NMT1: variants seen among roughly 807,000 people sequenced by gnomAD.
NMT1 encodes the protein N-myristoyltransferase 1, also known as glycylpeptide N-tetradecanoyltransferase 1.
In NMT1, 12 loss-of-function variants were observed where a neutral mutation model predicts 63.4. The observed-to-expected ratio is 0.19, with a 90% CI of 0.12 to 0.31. The LOEUF (loss-of-function observed/expected upper bound fraction) is 0.31, where lower values mean the gene tolerates loss of function less well. Ranked by LOEUF, NMT1 falls within the 10% of genes least tolerant of loss-of-function variation. NMT1 has a pLI of 1.00. For missense variants in NMT1, 432 were observed against 634.6 expected (o/e 0.68, Z 3.43); for synonymous variants, 228 against 234.3 (o/e 0.97, Z 0.25).
At chr17:45,099,612 C>G in intron 8 of NMT1, 99 bp downstream of exon 8, 1 of 835,160 alleles carries the variant, frequency 1.2e-6, no homozygotes. Flanking sequence ...AGGGAGCTTT[C>G]TCCTACTGGA....
intron 2 of NMT1, among the ~76,000 whole-genome samples, chr17:45,086,010 C>G (rs1388477953): frequency 6.6e-6 from 1 of 151,726 alleles, no homozygotes; most frequent in African/African-American, 2.4e-5. Context: ...TTAGTAGAGA[C>G]AGGGTTTCAC....
intron 6 of NMT1, among the ~76,000 whole-genome samples, chr17:45,097,913 T>C (rs1265960087): frequency 1.3e-5 from 2 of 152,194 alleles, no homozygotes; most frequent in Non-Finnish European, 2.9e-5. Context: ...CAGATAGTCC[T>C]TGGGGCCTGT....
chr17:45,068,080 G>T (rs144191455), intron 1 of NMT1, among the ~76,000 whole-genome samples: 1 of 152,166 alleles, frequency 6.6e-6, no homozygotes, highest in Non-Finnish European at 1.5e-5. Flanking sequence ...TACCCTTCAG[G>T]CCTCTCTTCC....
intron 1 of NMT1, among the ~76,000 whole-genome samples, chr17:45,069,500 C>G (rs777129856): frequency 4.1e-4 from 62 of 151,740 alleles, no homozygotes; most frequent in Non-Finnish European, 3.2e-4. Context: ...CCATCTTGGC[C>G]AGGCTGGTCT....
At chr17:45,087,944 G>A (rs1213029435) in intron 3 of NMT1, among the ~76,000 whole-genome samples, 2 of 152,236 alleles carry the variant, frequency 1.3e-5, no homozygotes, top group African/African-American at 2.4e-5. Flanking sequence ...TAGTAGAAAT[G>A]CAGTTTGTCG....
intron 2 of NMT1, 71 bp downstream of exon 2, chr17:45,081,823 A>G: frequency 8.4e-7 from 1 of 1,190,956 alleles, no homozygotes; most frequent in Non-Finnish European, 1.2e-6. Context: ...GTGAATGTAT[A>G]GGATCAACTT....
At chr17:45,076,591 A>G (rs1477262485) in intron 1 of NMT1, among the ~76,000 whole-genome samples, 2 of 151,996 alleles carry the variant, frequency 1.3e-5, no homozygotes, top group African/African-American at 4.8e-5. Flanking sequence ...CTCTACTAAA[A>G]ATACAAAAAT....
chr17:45,097,066 G>A (rs545246717), intron 5 of NMT1, 62 bp from the exon 6 acceptor site: 1 of 1,411,034 alleles, frequency 7.1e-7, no homozygotes, highest in Non-Finnish European at 1.0e-6. Flanking sequence ...TGGCTGTGGA[G>A]CCCAAGCGGC....
At chr17:45,076,168 C>T (rs2053975879) in intron 1 of NMT1, among the ~76,000 whole-genome samples, 1 of 152,160 alleles carries the variant, frequency 6.6e-6, no homozygotes, top group Non-Finnish European at 1.5e-5. Flanking sequence ...GTTTTGTTTT[C>T]CCTTAGTCCA....
intron 8 of NMT1, among the ~76,000 whole-genome samples, chr17:45,100,290 G>A (rs1165483971): frequency 6.6e-6 from 1 of 152,082 alleles, no homozygotes; most frequent in Non-Finnish European, 1.5e-5. Flanking sequence ...TTTGCTGCCA[G>A]GCGCAGTGGC....
chr17:45,073,942 T>G (rs2053959518), intron 1 of NMT1, among the ~76,000 whole-genome samples: 1 of 152,182 alleles, frequency 6.6e-6, no homozygotes. Context: ...CATGCAGTTT[T>G]GAGCGGATTG....
chr17:45,092,888 C>A (rs1379063699), intron 3 of NMT1, among the ~76,000 whole-genome samples: 1 of 152,132 alleles, frequency 6.6e-6, no homozygotes, highest in Non-Finnish European at 1.5e-5. Context: ...GCATTCTTCC[C>A]AGTGTAAACA....
intron 8 of NMT1, among the ~76,000 whole-genome samples, chr17:45,101,982 A>G (rs2054169513): frequency 6.6e-6 from 1 of 152,228 alleles, no homozygotes; most frequent in Non-Finnish European, 1.5e-5. Flanking sequence ...CTGCAGCAGC[A>G]GAAGAATGTC....
intron 6 of NMT1, among the ~76,000 whole-genome samples, chr17:45,097,637 G>A (rs965831498): frequency 2.0e-5 from 3 of 152,236 alleles, no homozygotes; most frequent in South Asian, 2.1e-4. Flanking sequence ...GAATATAGAC[G>A]TGAGCCATTG....
intron 4 of NMT1, 47 bp downstream of exon 4, chr17:45,093,850 C>T (rs763855815): frequency 1.6e-5 from 23 of 1,456,790 alleles, no homozygotes; most frequent in Non-Finnish European, 2.0e-5. Flanking sequence ...GAGCCACTTT[C>T]ACAGTAAGCC....
At chr17:45,085,845 G>A (rs2054048542) in intron 2 of NMT1, among the ~76,000 whole-genome samples, 1 of 148,384 alleles carries the variant, frequency 6.7e-6, no homozygotes, top group African/African-American at 2.5e-5. Flanking sequence ...TTTTTGAGAT[G>A]GATTCTTGCT....
chr17:45,104,065 C>A lies in NMT1; in HGVS notation c.1332+189C>A. The A allele has an allele frequency of 6.6e-7, 1 of 1,522,284 alleles. No homozygotes were observed. Among genetic ancestry groups the A allele is most frequent in the Non-Finnish European group, 8.8e-7 (1 of 1,139,560 alleles). 94.3% of individuals were successfully genotyped at this position (1,522,284 alleles called of 1,614,324 possible). A position where few individuals can be genotyped will look rare whatever the true frequency, so the allele number is the denominator to read the frequency against. ...AAACTTGGAGGGAACAAGGAGCATC[C>A]GAAGTGAAGGCATTGAACTCCTCCT... On this transcript the variant is annotated intron_variant, in intron 10 of 11. Coordinates refer to ENST00000258960, the MANE Select transcript of NMT1 (RefSeq NM_021079.5). The surrounding 1 kb of genome is among the most constrained non-coding windows in gnomAD (Gnocchi z 4.2).
At chr17:45,086,760 C>T in intron 3 of NMT1, 108 bp downstream of exon 3, 1 of 1,199,868 alleles carries the variant, frequency 8.3e-7, no homozygotes, top group Non-Finnish European at 1.2e-6. Flanking sequence ...CAGTAGAGTC[C>T]TGGAGTTCCT....
rs913514091 is a variant in NMT1 at position 45,102,953 on chromosome 17, T to C, written c.996T>C (p.Thr332=). 6.2e-7 allele frequency: 1 copy of C among 1,610,204 alleles called. No individual in the cohort carries two copies. Among genetic ancestry groups the C allele is most frequent in the Non-Finnish European group, 8.5e-7 (1 of 1,176,950 alleles). ...RTMKLYRLPE[T]PKTAGLRPME... is the part of the protein sequence containing the mutation. ...CATCTCTTCTGTCTTGCCTCCAGAC[T>C]CCCAAGACAGCTGGGCTGCGACCAA... Residue 332 remains threonine, a splice_region_variant and synonymous_variant, in exon 9 of 12, where the codon ACT becomes ACC. Transcript: ENST00000258960.
Sources: allele counts gnomAD v4.1 joint callset (sites outside exome capture counted in the v4.1 genomes callset), GRCh38; gene constraint gnomAD v4.1.1; non-coding constraint Gnocchi (gnomAD v3.1); transcripts MANE v1.5; gene names NCBI Gene and HGNC (gene_info 2026-07-23, HGNC 2026-07-21).